Variants in ATRX observed in about 807,000 individuals in gnomAD.
ATRX encodes ATRX chromatin remodeler, also known as chromatin remodeler ATRX.
A neutral mutation model predicts 172.6 loss-of-function variants in ATRX; 12 were observed. That is an observed-to-expected ratio of 0.07 (90% CI 0.04 to 0.11). The LOEUF (loss-of-function observed/expected upper bound fraction) is 0.11. ATRX is among the 10% of genes least tolerant of loss of function. ATRX has a pLI of 1.00. For synonymous variants in ATRX, 674 were observed against 594.7 expected, an observed-to-expected ratio of 1.13 and a Z score of -1.94; for missense variants, 1,368 against 1,767.4, an observed-to-expected ratio of 0.77 and a Z score of 4.05.
chrX:77,766,167 C>A (rs1287744456), intron 1 of ATRX, among the ~76,000 whole-genome samples: 9 of 112,928 alleles, frequency 8.0e-5, no homozygotes, highest in Admixed American at 7.5e-4. Flanking sequence ...CACAAAACCG[C>A]CACTGTCATC....
chrX:77,772,643 G>GTT (rs1204125177), intron 1 of ATRX, among the ~76,000 whole-genome samples: 1 of 99,685 alleles, frequency 1.0e-5, no homozygotes, highest in African/African-American at 3.6e-5. Flanking sequence ...TGCCCAGCTA[G>GTT]TTTTTTTTTT....
chrX:77,522,617 G>A (rs2063267767), intron 31 of ATRX: 2 of 375,454 alleles, frequency 5.3e-6, no homozygotes, highest in Non-Finnish European at 9.4e-6. Context: ...CAGAATGGGG[G>A]CAACTCAAAG....
At chrX:77,529,456 C>T (rs2063497935) in intron 30 of ATRX, among the ~76,000 whole-genome samples, 1 of 111,599 alleles carries the variant, frequency 9.0e-6, no homozygotes, top group South Asian at 3.8e-4. Flanking sequence ...TAACAGCAGA[C>T]CTCTTAGTGG....
At chrX:77,601,525 T>C (rs1260986166) in intron 22 of ATRX, among the ~76,000 whole-genome samples, 2 of 108,548 alleles carry the variant, frequency 1.8e-5, no homozygotes, top group Non-Finnish European at 3.8e-5. Context: ...TTTTGATGTA[T>C]AAAATGTAAA....
At chrX:77,694,003 G>C in intron 5 of ATRX, 66 bp from the exon 6 acceptor site, 7 of 872,872 alleles carry the variant, frequency 8.0e-6, no homozygotes, top group Non-Finnish European at 1.0e-5. Flanking sequence ...CAAGACTTCA[G>C]TTCAGATAAA....
intron 27 of ATRX, among the ~76,000 whole-genome samples, chrX:77,580,055 T>G (rs1181639584): frequency 1.8e-5 from 2 of 111,276 alleles, no homozygotes; most frequent in African/African-American, 3.3e-5. Context: ...ATAGCAAAAT[T>G]GATAAAGCAA....
intron 1 of ATRX, among the ~76,000 whole-genome samples, chrX:77,765,394 T>C (rs931396717): frequency 6.2e-5 from 7 of 112,086 alleles, no homozygotes; most frequent in African/African-American, 1.9e-4. Context: ...GATTGTGGCA[T>C]TGACAGAAAA....
At chrX:77,700,868 C>T (rs2072467962) in intron 2 of ATRX, among the ~76,000 whole-genome samples, 1 of 112,362 alleles carries the variant, frequency 8.9e-6, no homozygotes, top group Non-Finnish European at 1.9e-5. Flanking sequence ...CAGTGGCTGC[C>T]AGTGCTCACA....
chrX:77,620,299 A>G, intron 20 of ATRX, 96 bp downstream of exon 20: 1 of 964,496 alleles, frequency 1.0e-6, no homozygotes, highest in Non-Finnish European at 1.5e-6. Flanking sequence ...CTAGGACTAT[A>G]CTAGAATAAG....
chrX:77,514,564 T>C (rs1367541587), intron 34 of ATRX, among the ~76,000 whole-genome samples: 2 of 112,157 alleles, frequency 1.8e-5, no homozygotes, highest in African/African-American at 3.2e-5. Flanking sequence ...AGGGAGAAGA[T>C]TGAAACTGGA....
chrX:77,765,596 T>C (rs1434066975), intron 1 of ATRX, among the ~76,000 whole-genome samples: 1 of 112,129 alleles, frequency 8.9e-6, no homozygotes, highest in Non-Finnish European at 1.9e-5. Flanking sequence ...CAGATAACCT[T>C]GGTTCTAGTC....
chrX:77,573,837 A>G (rs1468006997), intron 28 of ATRX, among the ~76,000 whole-genome samples: 1 of 111,325 alleles, frequency 9.0e-6, no homozygotes, highest in Non-Finnish European at 1.9e-5. Flanking sequence ...ATTTAAGTAA[A>G]TACTTATGTT....
intron 1 of ATRX, among the ~76,000 whole-genome samples, chrX:77,734,042 A>T (rs1417374824): frequency 1.8e-5 from 2 of 109,158 alleles, no homozygotes; most frequent in African/African-American, 6.7e-5. Flanking sequence ...TCTCTACTAA[A>T]AATACGAAAA....
chrX:77,562,198 A>T (rs1381120006), intron 28 of ATRX, among the ~76,000 whole-genome samples: 1 of 112,357 alleles, frequency 8.9e-6, no homozygotes, highest in African/African-American at 3.2e-5. Flanking sequence ...TTGTTTATCC[A>T]TTCACATGTT....
chrX:77,588,631 G>A (rs1339077057), intron 27 of ATRX, among the ~76,000 whole-genome samples: 1 of 110,259 alleles, frequency 9.1e-6, no homozygotes, highest in East Asian at 2.8e-4. Flanking sequence ...ATAAATAAAA[G>A]AAAGTGATAC....
At chrX:77,714,089 G>A (rs2073246535) in intron 2 of ATRX, among the ~76,000 whole-genome samples, 1 of 111,720 alleles carries the variant, frequency 9.0e-6, no homozygotes, top group African/African-American at 3.3e-5. Context: ...TTGATGTGCT[G>A]TTGCTGGATT....
chrX:77,599,220 C>T (rs1308100368), intron 25 of ATRX, among the ~76,000 whole-genome samples, 191 bp downstream of exon 25: 1 of 111,521 alleles, frequency 9.0e-6, no homozygotes, highest in African/African-American at 3.3e-5. Context: ...TACCAGAGAG[C>T]ACAGAGTAGC....
At chrX:77,553,237 G>A (rs2064631428) in intron 30 of ATRX, among the ~76,000 whole-genome samples, 1 of 111,045 alleles carries the variant, frequency 9.0e-6, no homozygotes, top group South Asian at 3.8e-4. Context: ...TAAATCAAGG[G>A]AACATTAATA....
intron 19 of ATRX, among the ~76,000 whole-genome samples, chrX:77,624,743 G>A (rs1294713627): frequency 8.9e-6 from 1 of 111,951 alleles, no homozygotes; most frequent in Non-Finnish European, 1.9e-5. Flanking sequence ...AGAAATCATA[G>A]GCGACACAAA....
Sources: allele counts gnomAD v4.1 joint callset (sites outside exome capture counted in the v4.1 genomes callset), GRCh38; gene constraint gnomAD v4.1.1; transcripts MANE v1.5; gene names NCBI Gene and HGNC (gene_info 2026-07-23, HGNC 2026-07-21).